TAOK1: variants seen among roughly 807,000 people sequenced by gnomAD.
TAOK1 encodes the protein TAO kinase 1, also known as serine/threonine-protein kinase TAO1.
A neutral mutation model predicts 138.3 loss-of-function variants in TAOK1; 21 were observed. The ratio of observed to expected loss-of-function variants is 0.15; its 90% CI spans 0.11 to 0.22. The LOEUF is 0.22. TAOK1 is among the 10% of genes least tolerant of loss of function. TAOK1 has a pLI of 1.00. For missense variants in TAOK1, 651 were observed against 1,227.7 expected (o/e 0.53, Z 7.02); for synonymous variants, 361 against 398.4 (o/e 0.91, Z 1.12).
intron 18 of TAOK1, among the ~76,000 whole-genome samples, chr17:29,530,979 T>TTTTTTTTTTTTG (rs2032092142): frequency 6.9e-6 from 1 of 145,706 alleles, no homozygotes; most frequent in Non-Finnish European, 1.5e-5. Context: ...TTTTTTTTTT[T>TTTTTTTTTTTTG]GAGACGGAGT....
At chr17:29,447,487 T>C (rs1301244023) in intron 1 of TAOK1, among the ~76,000 whole-genome samples, 1 of 150,818 alleles carries the variant, frequency 6.6e-6, no homozygotes, top group African/African-American at 2.4e-5. Context: ...TGCACTACTA[T>C]ACCTGGCTAA....
Position 29,451,510 on chromosome 17 carries a change from G to A in TAOK1, c.-39G>A, listed in dbSNP as rs1200799840. On this transcript the variant is annotated 5_prime_UTR_variant, in exon 2 of 20. Transcript: ENST00000261716. ...AGATGAACCAAGGATCGGGATAGCA[G>A]TATAAAATTAGAATCAAGACAGCTG... is the stretch of plus-strand genomic sequence containing the variant. 6.3e-7 allele frequency: 1 copy of A among 1,585,578 alleles called. No individual in the cohort carries two copies. The highest frequency in any genetic ancestry group is 1.1e-5 in the South Asian group (1 of 87,550).
chr17:29,422,771 A>G (rs987785468), intron 1 of TAOK1, among the ~76,000 whole-genome samples: 3 of 152,176 alleles, frequency 2.0e-5, no homozygotes, highest in Admixed American at 2.0e-4. Context: ...CACGCCTATA[A>G]TCCCAGCACT....
chr17:29,542,146 G>A (rs1464936351), intron 19 of TAOK1, among the ~76,000 whole-genome samples: 6 of 152,050 alleles, frequency 3.9e-5, no homozygotes, highest in Admixed American at 3.9e-4. Flanking sequence ...CAAAGTGCTG[G>A]GACTACAGGC....
At chr17:29,491,186 A>T (rs1358243609) in intron 9 of TAOK1, among the ~76,000 whole-genome samples, 1 of 152,210 alleles carries the variant, frequency 6.6e-6, no homozygotes, top group Admixed American at 6.5e-5. Context: ...TTGATGGAGT[A>T]ATTATTTACT....
chr17:29,407,621 A>G (rs1905030151), intron 1 of TAOK1, among the ~76,000 whole-genome samples: 1 of 150,506 alleles, frequency 6.6e-6, no homozygotes, highest in East Asian at 2.0e-4. Flanking sequence ...TAATTTTTTT[A>G]TTTTTTGTAG....
chr17:29,496,747 A>T (rs1361391790), intron 11 of TAOK1, among the ~76,000 whole-genome samples: 1 of 148,086 alleles, frequency 6.8e-6, no homozygotes, highest in Non-Finnish European at 1.5e-5. Context: ...CACCACGCCC[A>T]ACTAATTTTT....
At chr17:29,467,739 A>T (rs2030706316) in intron 3 of TAOK1, among the ~76,000 whole-genome samples, 1 of 152,088 alleles carries the variant, frequency 6.6e-6, no homozygotes, top group African/African-American at 2.4e-5. Flanking sequence ...AATAGTACTG[A>T]GAGCCATAAA....
At position 29,550,534 on chromosome 17, in the gene TAOK1, A is replaced by T. The variant is rs1263697632; in HGVS notation, c.*7512A>T. On this transcript the variant is annotated 3_prime_UTR_variant, in exon 20 of 20. Transcript: ENST00000261716. ...AATGCGCATTAATGAGGTTGAAGAG[A>T]CTATGAGAAATATGTATAGTGTATA... 6.6e-6 allele frequency: 1 copy of T among 152,206 alleles called. No individual in the cohort carries two copies. The highest frequency in any genetic ancestry group is 1.5e-5 in the Non-Finnish European group (1 of 68,024). 9.4% of individuals were successfully genotyped at this position (152,206 alleles called of 1,614,324 possible).
intron 13 of TAOK1, among the ~76,000 whole-genome samples, chr17:29,504,088 G>A (rs1022190329): frequency 2.0e-5 from 3 of 149,764 alleles, no homozygotes; most frequent in Admixed American, 1.3e-4. Flanking sequence ...TCCAGCCTGG[G>A]TGACAGAGGT....
At chr17:29,437,859 A>T (rs1906084662) in intron 1 of TAOK1, among the ~76,000 whole-genome samples, 1 of 149,832 alleles carries the variant, frequency 6.7e-6, no homozygotes, top group Admixed American at 6.7e-5. Flanking sequence ...CAGCCTCCCG[A>T]GTAGCTGGGA....
intron 10 of TAOK1, among the ~76,000 whole-genome samples, chr17:29,492,257 G>A (rs956121924): frequency 1.3e-5 from 2 of 152,078 alleles, no homozygotes; most frequent in Admixed American, 1.3e-4. Context: ...TCTGAATTAG[G>A]ATTAAGTATA....
At chr17:29,509,491 C>T (rs2031680763) in intron 14 of TAOK1, among the ~76,000 whole-genome samples, 1 of 151,990 alleles carries the variant, frequency 6.6e-6, no homozygotes, top group African/African-American at 2.4e-5. Flanking sequence ...TGTGAGCCAC[C>T]ACACTTGATA....
rs1491515108 is a variant in TAOK1 at position 29,532,353 on chromosome 17, TGG to T, written c.2361+1735_2361+1736del. On this transcript the variant is annotated intron_variant, in intron 18 of 19. Transcript: ENST00000261716. ...TAGGTTTTTCTTTTTTGTTTGTTTG[TGG>T]TTTTTTTTTTTTTGATCATTCTTGG... Among the ~76,000 whole-genome samples, 13 of 93,652 alleles carry T rather than the reference TGG, an allele frequency of 1.4e-4. No homozygotes were observed. The East Asian group carries it at 1.5e-3, about 11-fold the overall frequency. The allele number at this position is 93,652 out of a possible 152,430, so 61.4% of individuals were successfully genotyped here.
intron 1 of TAOK1, among the ~76,000 whole-genome samples, chr17:29,401,329 A>G (rs1282672118): frequency 6.6e-6 from 1 of 152,176 alleles, no homozygotes; most frequent in Non-Finnish European, 1.5e-5. Context: ...TCTGTGGGCT[A>G]TACAGGCATC....
At chr17:29,532,889 G>T (rs1273446921) in intron 18 of TAOK1, among the ~76,000 whole-genome samples, 1 of 151,834 alleles carries the variant, frequency 6.6e-6, no homozygotes, top group Non-Finnish European at 1.5e-5. Context: ...TGGTGGCCGG[G>T]CAGAGGCGCC....
intron 1 of TAOK1, among the ~76,000 whole-genome samples, chr17:29,410,275 A>C (rs1905105009): frequency 1.3e-5 from 2 of 152,078 alleles, no homozygotes; most frequent in African/African-American, 2.4e-5. Context: ...TTTGAGACGG[A>C]GTTTCGCTCT....
intron 1 of TAOK1, chr17:29,404,093 AAC>A (rs1324521401): frequency 6.6e-6 from 1 of 152,060 alleles, no homozygotes; most frequent in African/African-American, 2.4e-5. Context: ...TAAAAAATAA[AAC>A]AGTGTTGAGA....
chr17:29,398,875 A>G (rs1904746346), intron 1 of TAOK1, among the ~76,000 whole-genome samples: 1 of 152,120 alleles, frequency 6.6e-6, no homozygotes, highest in Non-Finnish European at 1.5e-5. Context: ...AAATAGGATA[A>G]TGCTTGCTAA....
Sources: allele counts gnomAD v4.1 joint callset (sites outside exome capture counted in the v4.1 genomes callset), GRCh38; gene constraint gnomAD v4.1.1; transcripts MANE v1.5; gene names NCBI Gene and HGNC (gene_info 2026-07-23, HGNC 2026-07-21).